PI4K2A: variants seen among roughly 807,000 people sequenced by gnomAD.
PI4K2A encodes the protein phosphatidylinositol 4-kinase type 2-alpha.
In PI4K2A, 20 loss-of-function variants were observed where a neutral mutation model predicts 55.0. The ratio of observed to expected loss-of-function variants is 0.36; its 90% CI spans 0.26 to 0.53. PI4K2A has a LOEUF of 0.53. Ranked by LOEUF, PI4K2A falls within the 20% of genes least tolerant of loss-of-function variation. The pLI, the probability that PI4K2A is intolerant of heterozygous loss-of-function variation, is 0.91. For missense variants in PI4K2A, 463 were observed against 637.1 expected, an observed-to-expected ratio of 0.73 and a Z score of 2.94; for synonymous variants, 235 against 258.5, an observed-to-expected ratio of 0.91 and a Z score of 0.87.
chr10:97,641,417 A>G (rs1440776693), intron 1 of PI4K2A, among the ~76,000 whole-genome samples: 1 of 151,868 alleles, frequency 6.6e-6, no homozygotes. Flanking sequence ...TTGACCAGAT[A>G]CGGGCCGGGG....
At chr10:97,641,757 G>A (rs2041470987) in intron 1 of PI4K2A, among the ~76,000 whole-genome samples, 2 of 152,202 alleles carry the variant, frequency 1.3e-5, no homozygotes, top group Non-Finnish European at 2.9e-5. Flanking sequence ...TCACTTCTGG[G>A]AAAGGGTTCA....
At chr10:97,674,959 ATCT>A (rs1279441822) in exon 9 of PI4K2A, 3 of 152,908 alleles carry the variant, frequency 2.0e-5, no homozygotes, top group Admixed American at 1.3e-4. Context: ...CTCAGTGCGT[ATCT>A]TCTTGCTTCC....
intron 6 of PI4K2A, among the ~76,000 whole-genome samples, chr10:97,666,167 T>C (rs1033237777): frequency 3.9e-5 from 6 of 152,196 alleles, no homozygotes; most frequent in Non-Finnish European, 7.3e-5. Flanking sequence ...AGCGTCTCAG[T>C]GGCAAGTAGT....
In PI4K2A at chr10:97,660,106, A is replaced by G. The variant is rs1009032881; in HGVS notation, c.923-2801A>G. Among the ~76,000 whole-genome samples, 12 of 144,120 alleles carry G rather than the reference A, an allele frequency of 8.3e-5. No homozygotes were observed. In the East Asian group the frequency reaches 2.2e-3, roughly 27 times the overall value. 94.5% of individuals were successfully genotyped at this position (144,120 alleles called of 152,430 possible). ...AACCTCCGCCTCCCGGGTTCACGCC[A>G]TTCTCCTGCCTCAGCCTCCCGAGTA... On this transcript the variant is annotated intron_variant, in intron 4 of 8. Coordinates refer to ENST00000370631, the Ensembl canonical transcript of PI4K2A.
intron 8 of PI4K2A, 83 bp from the exon 9 acceptor site, chr10:97,673,498 C>A (rs950624698): frequency 9.5e-7 from 1 of 1,052,526 alleles, no homozygotes. Context: ...GATTTGTAGG[C>A]GTCCTCTCTA....
chr10:97,649,040 T>C (rs748480144), intron 1 of PI4K2A, among the ~76,000 whole-genome samples: 1 of 152,218 alleles, frequency 6.6e-6, no homozygotes, highest in African/African-American at 2.4e-5. Context: ...CCAGTTATTG[T>C]TAGCGACATG....
chr10:97,661,082 C>T (rs1340363515), intron 4 of PI4K2A, among the ~76,000 whole-genome samples: 1 of 152,042 alleles, frequency 6.6e-6, no homozygotes, highest in Non-Finnish European at 1.5e-5. Flanking sequence ...AGCTCCGCCT[C>T]CCGGGTTCAC....
intron 6 of PI4K2A, among the ~76,000 whole-genome samples, chr10:97,665,947 T>C (rs759685701): frequency 3.6e-4 from 54 of 152,008 alleles, no homozygotes; most frequent in South Asian, 1.0e-3. Context: ...TCCTGAAATA[T>C]CTTTTTTTTT....
intron 2 of PI4K2A, among the ~76,000 whole-genome samples, chr10:97,651,409 T>G (rs573109164): frequency 9.4e-4 from 143 of 152,296 alleles, no homozygotes; most frequent in African/African-American, 3.2e-3. Flanking sequence ...GCTCCCTTGG[T>G]CTTTGAATCC....
intron 4 of PI4K2A, among the ~76,000 whole-genome samples, chr10:97,661,375 C>CTT (rs35506472): frequency 1.0e-4 from 15 of 146,188 alleles, no homozygotes; most frequent in African/African-American, 3.8e-4. Context: ...GAGATAAAGA[C>CTT]TTTTTTTTTT....
chr10:97,672,722 GTTCTTTTTTTTT>G (rs2041642132), intron 8 of PI4K2A, among the ~76,000 whole-genome samples: 1 of 94,790 alleles, frequency 1.1e-5, no homozygotes, highest in African/African-American at 5.1e-5. Flanking sequence ...CAGAGGGTCT[GTTCTTTTTTTTT>G]TTTTTTTTTT....
At chr10:97,673,664 C>T (rs769556709) in exon 9 of PI4K2A, 3 of 1,613,936 alleles carry the variant, frequency 1.9e-6, no homozygotes, top group Non-Finnish European at 2.5e-6. Flanking sequence ...TCGAGACGGC[C>T]CGTTCCCACC....
chr10:97,666,995 G>A (rs1002519062), intron 7 of PI4K2A, 66 bp from the exon 8 acceptor site: 2 of 1,254,520 alleles, frequency 1.6e-6, no homozygotes, highest in East Asian at 2.3e-5. Flanking sequence ...TTTCTAACTG[G>A]GGGAGAAAAT....
intron 1 of PI4K2A, among the ~76,000 whole-genome samples, chr10:97,649,633 T>TTTC (rs2041521379): frequency 8.5e-6 from 1 of 117,586 alleles, no homozygotes; most frequent in Non-Finnish European, 1.6e-5. Flanking sequence ...TTTTTTTTTT[T>TTTC]TTTTTTTGAG....
At chr10:97,673,449 G>T in intron 8 of PI4K2A, 132 bp from the exon 9 acceptor site, 3 of 629,228 alleles carry the variant, frequency 4.8e-6, no homozygotes, top group Non-Finnish European at 8.1e-6. Flanking sequence ...TTTGTAAATG[G>T]CCTATTTGCA....
exon 1 of PI4K2A, chr10:97,640,923 C>T: frequency 1.5e-6 from 2 of 1,352,322 alleles, no homozygotes; most frequent in Non-Finnish European, 1.9e-6. Flanking sequence ...GCGGCAGCCA[C>T]TGTTGGATCG....
intron 4 of PI4K2A, among the ~76,000 whole-genome samples, chr10:97,659,826 C>A (rs2041571928): frequency 1.3e-5 from 2 of 151,974 alleles, no homozygotes; most frequent in South Asian, 4.1e-4. Context: ...TCCATAGACT[C>A]CAGAGCTCCA....
chr10:97,648,872 T>G (rs1010813769), intron 1 of PI4K2A, among the ~76,000 whole-genome samples: 2 of 152,224 alleles, frequency 1.3e-5, no homozygotes, highest in Admixed American at 1.3e-4. Flanking sequence ...TGAAGACTTA[T>G]GATGTGAATA....
chr10:97,667,076 G>A, exon 8 of PI4K2A: 1 of 1,613,594 alleles, frequency 6.2e-7, no homozygotes, highest in Non-Finnish European at 8.5e-7. Context: ...TCCTGGTTTC[G>A]ACAGGGGCCA....
Sources: allele counts gnomAD v4.1 joint callset (sites outside exome capture counted in the v4.1 genomes callset), GRCh38; gene constraint gnomAD v4.1.1; transcripts MANE v1.5; gene names NCBI Gene and HGNC (gene_info 2026-07-23, HGNC 2026-07-21).